Variants in TBL1XR1 observed in about 807,000 individuals in gnomAD.
TBL1XR1 encodes TBL1X/Y related 1, also known as F-box-like/WD repeat-containing protein TBL1XR1.
A neutral mutation model predicts 66.9 loss-of-function variants in TBL1XR1; 5 were observed. The ratio of observed to expected loss-of-function variants is 0.07; its 90% confidence interval spans 0.04 to 0.16. The LOEUF (loss-of-function observed/expected upper bound fraction) is 0.16, where lower values mean the gene tolerates loss of function less well. Ranked by LOEUF, TBL1XR1 falls within the 10% of genes least tolerant of loss-of-function variation. TBL1XR1 has a pLI of 1.00. For synonymous variants in TBL1XR1, 210 were observed against 206.0 expected, an observed-to-expected ratio of 1.02 and a Z score of -0.17; for missense variants, 238 against 623.2, an observed-to-expected ratio of 0.38 and a Z score of 6.58.
At chr3:177,127,854 G>T (rs553837548) in intron 1 of TBL1XR1, among the ~76,000 whole-genome samples, 1 of 152,270 alleles carries the variant, frequency 6.6e-6, no homozygotes, top group East Asian at 1.9e-4. Flanking sequence ...AGTGTGAATT[G>T]TTCCATTACT....
upstream of TBL1XR1, among the ~76,000 whole-genome samples, chr3:177,198,799 A>C (rs924546142): frequency 6.6e-6 from 1 of 152,126 alleles, no homozygotes; most frequent in Non-Finnish European, 1.5e-5. Flanking sequence ...ATATTTGAAA[A>C]TAGATGTAGT....
chr3:177,142,902 C>A (rs1729790416), intron 1 of TBL1XR1, among the ~76,000 whole-genome samples: 2 of 152,070 alleles, frequency 1.3e-5, no homozygotes, highest in South Asian at 4.2e-4. Context: ...TGTACACTTA[C>A]CCACCTGAAG....
chr3:177,122,543 A>G (rs565762397), intron 1 of TBL1XR1, among the ~76,000 whole-genome samples: 5 of 152,262 alleles, frequency 3.3e-5, no homozygotes, highest in Admixed American at 2.0e-4. Context: ...ATCTGACCTA[A>G]AATACTGCAA....
chr3:177,095,686 G>A (rs1283492150), intron 2 of TBL1XR1, among the ~76,000 whole-genome samples: 1 of 151,986 alleles, frequency 6.6e-6, no homozygotes, highest in Non-Finnish European at 1.5e-5. Flanking sequence ...CACCATGTTG[G>A]CCAGGCTGGT....
intron 2 of TBL1XR1, among the ~76,000 whole-genome samples, chr3:177,070,293 T>C (rs981337901): frequency 6.6e-6 from 1 of 152,180 alleles, no homozygotes; most frequent in Non-Finnish European, 1.5e-5. Context: ...AAAGTGATTA[T>C]TTACACAGAT....
chr3:177,179,387 G>A (rs575205732), intron 1 of TBL1XR1, among the ~76,000 whole-genome samples: 4 of 152,236 alleles, frequency 2.6e-5, no homozygotes, highest in South Asian at 2.1e-4. Context: ...CATAATTCTC[G>A]TATTTACCAA....
At chr3:177,040,069 A>G (rs565373506) in intron 10 of TBL1XR1, among the ~76,000 whole-genome samples, 1 of 152,354 alleles carries the variant, frequency 6.6e-6, no homozygotes, top group Non-Finnish European at 1.5e-5. Context: ...GGTGTGACTC[A>G]GCGCTTTGGT....
intron 14 of TBL1XR1, 85 bp downstream of exon 14, chr3:177,032,886 C>T: frequency 8.7e-7 from 1 of 1,147,436 alleles, no homozygotes; most frequent in Admixed American, 3.6e-5. Flanking sequence ...AGAGGAATGA[C>T]AACCAAATGG....
intron 1 of TBL1XR1, among the ~76,000 whole-genome samples, chr3:177,149,558 C>A (rs1165131301): frequency 6.6e-6 from 1 of 152,102 alleles, no homozygotes; most frequent in East Asian, 1.9e-4. Context: ...ACTAATTCTA[C>A]AATTAATCAC....
At chr3:177,059,604 A>G (rs577391857) in intron 3 of TBL1XR1, among the ~76,000 whole-genome samples, 3 of 152,176 alleles carry the variant, frequency 2.0e-5, no homozygotes, top group East Asian at 3.9e-4. Context: ...AGTTAGGGGG[A>G]AAAAATGGAG....
chr3:177,131,899 G>A (rs1728336764), intron 1 of TBL1XR1, among the ~76,000 whole-genome samples: 1 of 95,248 alleles, frequency 1.0e-5, no homozygotes, highest in Non-Finnish European at 2.0e-5. Flanking sequence ...ACATTCTAGT[G>A]GAAGTTTAAA....
intron 2 of TBL1XR1, among the ~76,000 whole-genome samples, chr3:177,092,660 T>C (rs1465442759): frequency 6.6e-6 from 1 of 151,948 alleles, no homozygotes; most frequent in East Asian, 1.9e-4. Context: ...CCTGTTGCAC[T>C]ATTGGTAGAA....
chr3:177,107,863 T>C (rs1725074058), intron 1 of TBL1XR1, among the ~76,000 whole-genome samples: 1 of 152,188 alleles, frequency 6.6e-6, no homozygotes, highest in Admixed American at 6.5e-5. Context: ...TGGCACGCAA[T>C]GGTCTAAGGC....
intron 1 of TBL1XR1, among the ~76,000 whole-genome samples, chr3:177,114,704 G>A (rs1002756340): frequency 4.6e-5 from 7 of 151,848 alleles, no homozygotes; most frequent in Admixed American, 2.0e-4. Context: ...GGCCAGATAC[G>A]GTAGCTCACA....
intron 1 of TBL1XR1, among the ~76,000 whole-genome samples, chr3:177,175,614 T>C (rs1734062169): frequency 6.6e-6 from 1 of 152,110 alleles, no homozygotes; most frequent in Admixed American, 6.5e-5. Context: ...TTAAAGAACA[T>C]TAGGTCCAGA....
At position 177,051,653 on chromosome 3, in the gene TBL1XR1, T is replaced by A. The variant is rs1382559120; in HGVS notation, c.278A>T (p.Gln93Leu). Residue 93 changes from glutamine (Q) to leucine (L), a missense_variant, in exon 5 of 16, where the codon CAA (glutamine) becomes CTA (leucine). Gln to Leu is a moderately radical substitution (Grantham distance 113). Coordinates refer to ENST00000457928, the MANE Select transcript of TBL1XR1 (RefSeq NM_024665.7). ...ATCTCTATAAGCTTGTTGTCTTGTT[T>A]GTACTACATCAGGCATTACGGCATC... The part of the protein sequence containing the change: ...LIDAVMPDVV[Q>L]TRQQAYRDKL... 3 of 1,613,522 alleles carry A rather than the reference T, an allele frequency of 1.9e-6. No individual in the cohort carries two copies. The highest frequency in any genetic ancestry group is 2.7e-5 in the African/African-American group (2 of 74,870).
upstream of TBL1XR1, among the ~76,000 whole-genome samples, chr3:177,200,938 C>T (rs1021746661): frequency 5.3e-5 from 8 of 151,454 alleles, no homozygotes; most frequent in Non-Finnish European, 1.0e-4. Flanking sequence ...ACCCTGGAGG[C>T]GGAGGTTGCA....
chr3:177,149,238 T>C (rs1577315247), intron 1 of TBL1XR1, among the ~76,000 whole-genome samples: 1 of 152,116 alleles, frequency 6.6e-6, no homozygotes, highest in Admixed American at 6.6e-5. Flanking sequence ...AAACTGAGTG[T>C]CTAGTATTTA....
intron 1 of TBL1XR1, among the ~76,000 whole-genome samples, chr3:177,121,218 T>C (rs1726936411): frequency 6.6e-6 from 1 of 152,184 alleles, no homozygotes. Flanking sequence ...TCTTTAAAAC[T>C]ATCGATGTCA....
Sources: allele counts gnomAD v4.1 joint callset (sites outside exome capture counted in the v4.1 genomes callset), GRCh38; gene constraint gnomAD v4.1.1; transcripts MANE v1.5; gene names NCBI Gene and HGNC (gene_info 2026-07-23, HGNC 2026-07-21).